Variants in PCCA observed in about 807,000 individuals in gnomAD.
The protein encoded by PCCA is propionyl-CoA carboxylase alpha chain, mitochondrial.
PCCA carries 74 observed loss-of-function variants against 101.3 expected under a neutral mutation model. That is an observed-to-expected ratio of 0.73 (90% CI 0.61 to 0.89). The LOEUF (loss-of-function observed/expected upper bound fraction) is 0.89. Ranked by LOEUF, PCCA falls within the 40% of genes least tolerant of loss-of-function variation. The pLI, the probability that PCCA is intolerant of heterozygous loss-of-function variation, is 0.00. For synonymous variants in PCCA, 294 were observed against 313.6 expected (o/e 0.94, Z 0.66); for missense variants, 891 against 907.0 (o/e 0.98, Z 0.23).
intron 18 of PCCA, among the ~76,000 whole-genome samples, chr13:100,353,409 C>T (rs921678095): frequency 2.0e-5 from 3 of 152,102 alleles, no homozygotes; most frequent in African/African-American, 7.2e-5. Flanking sequence ...AGTAAATTTA[C>T]TAGAATTGAA....
intron 18 of PCCA, among the ~76,000 whole-genome samples, chr13:100,366,338 C>G (rs1212978332): frequency 6.6e-6 from 1 of 152,128 alleles, no homozygotes; most frequent in Non-Finnish European, 1.5e-5. Context: ...CTCTTGCTCT[C>G]CTGGGCAAGT....
rs970359338 is a variant in PCCA at position 100,146,070 on chromosome 13, G to T, written c.301-8909G>T. ...TTCTTGTGCCTCAGTCTCCCAAGCA[G>T]CTGGGACCATAGATATGCGCCACCA... On this transcript the variant is annotated intron_variant, in intron 4 of 23. Transcript: ENST00000376285. 4.7e-5 allele frequency among the ~76,000 whole-genome samples: 7 copies of T among 149,784 alleles called. No individual in the cohort carries two copies. The East Asian group carries it at 8.4e-4, about 18-fold the overall frequency.
intron 6 of PCCA, among the ~76,000 whole-genome samples, chr13:100,203,132 G>A (rs1261836662): frequency 6.6e-6 from 1 of 151,394 alleles, no homozygotes; most frequent in Non-Finnish European, 1.5e-5. Context: ...AAATTAGCCG[G>A]GCGTGGTGGT....
intron 6 of PCCA, among the ~76,000 whole-genome samples, chr13:100,162,361 C>G (rs1246493334): frequency 6.6e-6 from 1 of 152,084 alleles, no homozygotes; most frequent in African/African-American, 2.4e-5. Flanking sequence ...AGAGAACAAT[C>G]TCTGAAAGTT....
intron 16 of PCCA, among the ~76,000 whole-genome samples, chr13:100,314,459 C>G (rs887094653): frequency 6.6e-6 from 1 of 152,142 alleles, no homozygotes; most frequent in Non-Finnish European, 1.5e-5. Flanking sequence ...GTCCCTCTCC[C>G]CTTTGGAGGG....
intron 7 of PCCA, among the ~76,000 whole-genome samples, chr13:100,227,126 C>T (rs1053902901): frequency 7.2e-5 from 11 of 152,112 alleles, no homozygotes; most frequent in African/African-American, 2.7e-4. Context: ...CATGCGCCAC[C>T]ACGCCCGGCT....
chr13:100,148,832 T>A (rs186546429), intron 4 of PCCA, among the ~76,000 whole-genome samples: 7 of 152,290 alleles, frequency 4.6e-5, no homozygotes, highest in African/African-American at 1.7e-4. Context: ...AAAAACGTAT[T>A]CTCTTTTTTT....
intron 4 of PCCA, among the ~76,000 whole-genome samples, chr13:100,121,304 T>C (rs1387388674): frequency 1.3e-5 from 2 of 151,538 alleles, no homozygotes. Flanking sequence ...GTTACAGGCA[T>C]GCGCCACCAC....
At chr13:100,413,194 A>G (rs1274331479) in intron 19 of PCCA, among the ~76,000 whole-genome samples, 1 of 152,192 alleles carries the variant, frequency 6.6e-6, no homozygotes, top group East Asian at 1.9e-4. Flanking sequence ...TAGAATGCTA[A>G]ACAGTCACAG....
At chr13:100,329,867 A>G (rs991087703) in intron 16 of PCCA, among the ~76,000 whole-genome samples, 1 of 152,184 alleles carries the variant, frequency 6.6e-6, no homozygotes, top group Non-Finnish European at 1.5e-5. Context: ...AAACCATTAC[A>G]TCTGAGAAGT....
chr13:100,301,145 T>C (rs1470673946), intron 12 of PCCA, among the ~76,000 whole-genome samples: 1 of 152,228 alleles, frequency 6.6e-6, no homozygotes, highest in Admixed American at 6.5e-5. Context: ...GTGAAATAAA[T>C]ATATAGCTTT....
At chr13:100,191,238 C>T (rs543804967) in intron 6 of PCCA, among the ~76,000 whole-genome samples, 4 of 152,308 alleles carry the variant, frequency 2.6e-5, no homozygotes, top group East Asian at 3.9e-4. Flanking sequence ...TCTCAGCACA[C>T]GACAGTTGTG....
chr13:100,527,575 T>C, intron 22 of PCCA, 100 bp from the exon 23 acceptor site: 2 of 795,834 alleles, frequency 2.5e-6, no homozygotes, highest in Admixed American at 1.7e-5. Flanking sequence ...TAGACACATA[T>C]TTTGGGGCAT....
chr13:100,240,933 C>CGT (rs368686462), intron 8 of PCCA, among the ~76,000 whole-genome samples: 1 of 151,586 alleles, frequency 6.6e-6, no homozygotes, highest in Non-Finnish European at 1.5e-5. Flanking sequence ...TTGACATATG[C>CGT]ATATATATAT....
chr13:100,487,713 C>T (rs566013101), intron 21 of PCCA, among the ~76,000 whole-genome samples: 3 of 152,082 alleles, frequency 2.0e-5, no homozygotes, highest in South Asian at 2.1e-4. Flanking sequence ...GGAAATGCTG[C>T]GATGGGACCT....
At chr13:100,214,730 G>A (rs1413767960) in intron 7 of PCCA, among the ~76,000 whole-genome samples, 1 of 151,988 alleles carries the variant, frequency 6.6e-6, no homozygotes, top group Non-Finnish European at 1.5e-5. Flanking sequence ...CTGGCCTATA[G>A]TTTTCATTGT....
At chr13:100,280,431 C>CCTTG (rs1017406246) in intron 12 of PCCA, among the ~76,000 whole-genome samples, 4 of 151,872 alleles carry the variant, frequency 2.6e-5, no homozygotes, top group African/African-American at 9.7e-5. Context: ...CTTCTTTGTG[C>CCTTG]CTTGTATCAT....
At chr13:100,422,046 C>G (rs1428206263) in intron 19 of PCCA, among the ~76,000 whole-genome samples, 1 of 75,284 alleles carries the variant, frequency 1.3e-5, no homozygotes, top group Non-Finnish European at 2.7e-5. Flanking sequence ...TCTTTTCTTT[C>G]TTTTCCTTTT....
intron 6 of PCCA, among the ~76,000 whole-genome samples, chr13:100,207,314 C>T (rs964747656): frequency 1.3e-5 from 2 of 152,046 alleles, no homozygotes; most frequent in African/African-American, 2.4e-5. Context: ...GAGAAGCATA[C>T]CTCTTGAATT....
Sources: allele counts gnomAD v4.1 joint callset (sites outside exome capture counted in the v4.1 genomes callset), GRCh38; gene constraint gnomAD v4.1.1; transcripts MANE v1.5; gene names NCBI Gene and HGNC (gene_info 2026-07-23, HGNC 2026-07-21).